Variants in NRXN3 observed in about 807,000 individuals in gnomAD.
The protein encoded by NRXN3 is neurexin III.
A neutral mutation model predicts 137.6 loss-of-function variants in NRXN3; 32 were observed. That is an observed-to-expected ratio of 0.23 (90% CI 0.18 to 0.31). NRXN3 has a LOEUF of 0.31. Among genes scored for constraint, NRXN3 ranks in the 10% least tolerant of loss-of-function variants. The pLI is 1.00. For synonymous variants in NRXN3, 798 were observed against 784.5 expected (o/e 1.02, Z -0.29); for missense variants, 1,574 against 2,062.5 (o/e 0.76, Z 4.59).
intron 15 of NRXN3, among the ~76,000 whole-genome samples, chr14:79,162,097 T>C (rs1321379572): frequency 2.1e-4 from 3 of 14,056 alleles, no homozygotes; most frequent in Non-Finnish European, 4.0e-4. Context: ...GTTTACTTAT[T>C]TTTTGTTTTT....
intron 15 of NRXN3, among the ~76,000 whole-genome samples, chr14:78,988,478 T>G (rs1370956594): frequency 6.6e-6 from 1 of 152,228 alleles, no homozygotes. Flanking sequence ...TCACCTTATC[T>G]TATTGAATTT....
rs55701973 is a variant in NRXN3 at position 79,854,071 on chromosome 14, C to T, written c.4094-7271C>T. ...AAATTATTATATTTGAAAAATTAGA[C>T]ATTTTGCTCAAAAGTTTTTAAGAAA... On this transcript the variant is annotated intron_variant, in intron 20 of 20. Coordinates refer to ENST00000335750, the MANE Select transcript of NRXN3 (RefSeq NM_001330195.2). The T allele has an allele frequency of 1.5e-4, 149 of 984,326 alleles. 1 individual carries two copies. The African/African-American group carries it at 2.5e-3, about 17-fold the overall frequency. 61.0% of individuals were successfully genotyped at this position (984,326 alleles called of 1,614,324 possible).
intron 17 of NRXN3, among the ~76,000 whole-genome samples, chr14:79,667,105 G>A (rs1471699635): frequency 6.6e-6 from 1 of 151,934 alleles, no homozygotes; most frequent in East Asian, 1.9e-4. Context: ...GAAAAATCTG[G>A]CAATGTTTAT....
At chr14:79,279,487 T>G in intron 15 of NRXN3, 1 of 986,226 alleles carries the variant, frequency 1.0e-6, no homozygotes, top group Non-Finnish European at 1.2e-6. Context: ...TCTCGCTGAT[T>G]TCGCCCACCC....
intron 17 of NRXN3, among the ~76,000 whole-genome samples, chr14:79,674,481 A>T (rs1405975231): frequency 1.3e-5 from 2 of 151,956 alleles, no homozygotes; most frequent in African/African-American, 4.8e-5. Context: ...AGGTTCAGGG[A>T]GGTTGAGCAC....
intron 19 of NRXN3, among the ~76,000 whole-genome samples, chr14:79,779,920 A>G (rs1473222759): frequency 6.6e-6 from 1 of 152,102 alleles, no homozygotes; most frequent in Non-Finnish European, 1.5e-5. Flanking sequence ...GCTGGAGTGC[A>G]GTGGTGCAAT....
chr14:78,813,320 A>G (rs767461946), intron 10 of NRXN3, among the ~76,000 whole-genome samples: 1 of 152,178 alleles, frequency 6.6e-6, no homozygotes, highest in Non-Finnish European at 1.5e-5. Context: ...GTCAGATTTC[A>G]TAGCTTGACC....
chr14:79,804,153 G>A (rs1200364977), intron 19 of NRXN3, among the ~76,000 whole-genome samples: 3 of 151,856 alleles, frequency 2.0e-5, no homozygotes, highest in African/African-American at 7.3e-5. Context: ...TTGGTCACAT[G>A]AAGAAGGGGA....
At chr14:79,527,648 G>A (rs2097132956) in intron 16 of NRXN3, among the ~76,000 whole-genome samples, 6 of 151,824 alleles carry the variant, frequency 4.0e-5, no homozygotes, top group African/African-American at 1.5e-4. Context: ...CAAGGTGGGA[G>A]GATCACTTGA....
intron 6 of NRXN3, among the ~76,000 whole-genome samples, chr14:78,655,154 TATA>T (rs2097775026): frequency 1.3e-5 from 2 of 152,204 alleles, no homozygotes; most frequent in Admixed American, 6.5e-5. Context: ...TCACTGGCTA[TATA>T]ATAAGACCAC....
intron 16 of NRXN3, among the ~76,000 whole-genome samples, chr14:79,657,237 A>C (rs2098510818): frequency 6.6e-6 from 1 of 152,204 alleles, no homozygotes; most frequent in African/African-American, 2.4e-5. Context: ...GCTCAAGATC[A>C]CATGGAAAAA....
chr14:78,231,955 T>C (rs953424049), intron 1 of NRXN3, among the ~76,000 whole-genome samples: 4 of 152,242 alleles, frequency 2.6e-5, no homozygotes, highest in Non-Finnish European at 4.4e-5. Flanking sequence ...TGATCTACAC[T>C]GTCCCCTTTC....
chr14:79,026,618 C>A (rs2099598439), intron 15 of NRXN3, among the ~76,000 whole-genome samples: 1 of 152,060 alleles, frequency 6.6e-6, no homozygotes, highest in South Asian at 2.1e-4. Context: ...AACGGAACTG[C>A]AGGAGTGTTT....
chr14:79,632,719 T>C (rs1427950804), intron 16 of NRXN3, among the ~76,000 whole-genome samples: 1 of 152,168 alleles, frequency 6.6e-6, no homozygotes, highest in African/African-American at 2.4e-5. Context: ...ATATTAAGTA[T>C]TTTATATATA....
At chr14:79,003,292 G>C (rs1159502915) in intron 15 of NRXN3, among the ~76,000 whole-genome samples, 1 of 152,082 alleles carries the variant, frequency 6.6e-6, no homozygotes, top group Non-Finnish European at 1.5e-5. Flanking sequence ...TAAGACTTAG[G>C]GAACAATGCT....
chr14:79,351,134 C>T (rs1035938458), intron 15 of NRXN3, among the ~76,000 whole-genome samples: 17 of 152,240 alleles, frequency 1.1e-4, no homozygotes, highest in African/African-American at 3.4e-4. Context: ...CAGATTTCTC[C>T]GTCAAATCCT....
intron 4 of NRXN3, among the ~76,000 whole-genome samples, chr14:78,471,762 C>T (rs954221046): frequency 2.0e-4 from 31 of 152,120 alleles, no homozygotes; most frequent in African/African-American, 6.5e-4. Context: ...CAGCTACCCC[C>T]CTAGAAAGTA....
Position 78,336,382 on chromosome 14 carries a change from A to AT in NRXN3, c.757+38526dup, listed in dbSNP as rs2081471960. On this transcript the variant is annotated intron_variant, in intron 4 of 20. Transcript: ENST00000335750. ...TTCCCAGGCCTGAGTTTGAACTGGT[A>AT]TTTTAGAAGGAAGAAAGGAGACAAA... Among the ~76,000 whole-genome samples the AT allele has an allele frequency of 2.0e-5, 3 of 152,172 alleles. No homozygotes were observed. The South Asian group carries it at 6.2e-4, about 32-fold the overall frequency.
intron 10 of NRXN3, among the ~76,000 whole-genome samples, chr14:78,909,954 G>A (rs1022362103): frequency 6.6e-6 from 1 of 151,964 alleles, no homozygotes; most frequent in Non-Finnish European, 1.5e-5. Context: ...ATATAAATTT[G>A]TTTAAACACC....
Sources: gnomAD v4.1 joint callset for allele counts (sites outside exome capture counted in the v4.1 genomes callset) on GRCh38, gnomAD v4.1.1 for gene constraint, MANE v1.5 for transcripts, NCBI Gene and HGNC (gene_info 2026-07-23, HGNC 2026-07-21) for gene names.